Variants in DENND1A observed in about 807,000 individuals in gnomAD.
DENND1A encodes the protein DENN domain-containing protein 1A.
Under a neutral mutation model 113.7 loss-of-function variants are expected in DENND1A, and 51 were observed. That is an observed-to-expected ratio of 0.45 (90% confidence interval 0.36 to 0.57). The LOEUF is 0.57. Among genes scored for constraint, DENND1A ranks in the 20% least tolerant of loss-of-function variants. The pLI, the probability that DENND1A is intolerant of heterozygous loss-of-function variation, is 0.00. For missense variants in DENND1A, 1,258 were observed against 1,395.9 expected (o/e 0.90, Z 1.57); for synonymous variants, 565 against 570.8 (o/e 0.99, Z 0.14).
chr9:123,904,260 G>C (rs1345277581), intron 1 of DENND1A, among the ~76,000 whole-genome samples: 1 of 151,860 alleles, frequency 6.6e-6, no homozygotes, highest in Non-Finnish European at 1.5e-5. Flanking sequence ...AAACCACAAA[G>C]ATGGGGAAAA....
chr9:123,503,289 C>T (rs911673073), intron 13 of DENND1A, among the ~76,000 whole-genome samples: 1 of 152,164 alleles, frequency 6.6e-6, no homozygotes, highest in African/African-American at 2.4e-5. Context: ...CAAAGTGGAA[C>T]AACAGCAATA....
intron 1 of DENND1A, among the ~76,000 whole-genome samples, chr9:123,898,431 C>A (rs1851104571): frequency 6.6e-6 from 1 of 152,106 alleles, no homozygotes; most frequent in Non-Finnish European, 1.5e-5. Context: ...CTGGCTCAAG[C>A]AATTCTTCCC....
chr9:123,489,453 G>A (rs1292341843), intron 13 of DENND1A, among the ~76,000 whole-genome samples: 1 of 152,220 alleles, frequency 6.6e-6, no homozygotes, highest in Non-Finnish European at 1.5e-5. Context: ...GAAGGGCACT[G>A]AACTTTTTCC....
At chr9:123,865,589 A>C (rs1845699742) in intron 2 of DENND1A, among the ~76,000 whole-genome samples, 1 of 152,244 alleles carries the variant, frequency 6.6e-6, no homozygotes, top group Non-Finnish European at 1.5e-5. Context: ...TCCAGTTTGA[A>C]GGATCAAAAC....
chr9:123,436,314 T>G (rs1186040595), intron 19 of DENND1A, among the ~76,000 whole-genome samples: 1 of 152,136 alleles, frequency 6.6e-6, no homozygotes, highest in Non-Finnish European at 1.5e-5. Flanking sequence ...TTGCTAGGAG[T>G]CTATGGGCAG....
chr9:123,539,719 T>TA (rs2056129075), intron 13 of DENND1A, among the ~76,000 whole-genome samples: 1 of 151,860 alleles, frequency 6.6e-6, no homozygotes, highest in African/African-American at 2.4e-5. Flanking sequence ...CCATCTCCAC[T>TA]AAAAATACAA....
intron 10 of DENND1A, among the ~76,000 whole-genome samples, chr9:123,620,662 A>G (rs1013466834): frequency 1.3e-5 from 2 of 152,154 alleles, no homozygotes; most frequent in Non-Finnish European, 2.9e-5. Flanking sequence ...ATGATTTCTG[A>G]TCATTAAATC....
intron 3 of DENND1A, among the ~76,000 whole-genome samples, chr9:123,791,927 T>A (rs909122629): frequency 6.6e-6 from 1 of 152,206 alleles, no homozygotes; most frequent in Non-Finnish European, 1.5e-5. Flanking sequence ...AGATAGAAAC[T>A]AGAATCCTGA....
At chr9:123,621,525 T>C (rs2060965001) in intron 10 of DENND1A, among the ~76,000 whole-genome samples, 1 of 152,186 alleles carries the variant, frequency 6.6e-6, no homozygotes, top group Non-Finnish European at 1.5e-5. Flanking sequence ...TTAATATATA[T>C]TGACTATATA....
intron 1 of DENND1A, among the ~76,000 whole-genome samples, chr9:123,909,547 A>C (rs771176816): frequency 6.6e-6 from 1 of 152,084 alleles, no homozygotes; most frequent in African/African-American, 2.4e-5. Context: ...TCTCAAACTG[A>C]TCAAGGGCAT....
At chr9:123,848,656 C>T (rs1197407119) in intron 2 of DENND1A, among the ~76,000 whole-genome samples, 1 of 152,138 alleles carries the variant, frequency 6.6e-6, no homozygotes, top group Non-Finnish European at 1.5e-5. Flanking sequence ...CATAATTAAG[C>T]TTAGCAGTGA....
intron 5 of DENND1A, among the ~76,000 whole-genome samples, chr9:123,677,115 C>A (rs571010973): frequency 1.6e-4 from 24 of 152,278 alleles, no homozygotes; most frequent in Non-Finnish European, 3.2e-4. Context: ...AGCACACCCA[C>A]CCTTTCCAGG....
chr9:123,455,259 A>C (rs2048030009), intron 15 of DENND1A, among the ~76,000 whole-genome samples: 1 of 152,118 alleles, frequency 6.6e-6, no homozygotes, highest in Admixed American at 6.5e-5. Context: ...CTGACTGCAA[A>C]CTCAGCAGCC....
intron 9 of DENND1A, among the ~76,000 whole-genome samples, chr9:123,638,476 GT>G (rs1223130345): frequency 6.6e-6 from 1 of 152,066 alleles, no homozygotes; most frequent in East Asian, 1.9e-4. Context: ...ATGCACTTTT[GT>G]TGTTGTTGTT....
intron 5 of DENND1A, among the ~76,000 whole-genome samples, chr9:123,720,673 G>GAGA (rs2067274774): frequency 6.6e-6 from 1 of 152,132 alleles, no homozygotes; most frequent in African/African-American, 2.4e-5. Flanking sequence ...CTTTATCATT[G>GAGA]CCAACACTGT....
chr9:123,502,712 C>T (rs1051880597), intron 13 of DENND1A, among the ~76,000 whole-genome samples: 1 of 152,178 alleles, frequency 6.6e-6, no homozygotes. Context: ...TCTAGTTTTT[C>T]TTTCGTAGCC....
At chr9:123,759,081 G>T (rs1041890233) in intron 4 of DENND1A, 1 of 152,212 alleles carries the variant, frequency 6.6e-6, no homozygotes, top group Admixed American at 6.5e-5. Flanking sequence ...GATTACAGGC[G>T]TGAGCCACCG....
At chr9:123,552,029 G>C (rs1268095687) in intron 13 of DENND1A, among the ~76,000 whole-genome samples, 11 of 139,572 alleles carry the variant, frequency 7.9e-5, no homozygotes, top group African/African-American at 2.4e-4. Flanking sequence ...GAGAGAGAGA[G>C]AGAGAGAGAC....
intron 3 of DENND1A, among the ~76,000 whole-genome samples, chr9:123,782,548 C>G (rs767637351): frequency 6.6e-6 from 1 of 152,142 alleles, no homozygotes; most frequent in African/African-American, 2.4e-5. Context: ...GATCTGGACA[C>G]GAAGCCGGCA....
Sources: gnomAD v4.1 joint callset for allele counts (sites outside exome capture counted in the v4.1 genomes callset) on GRCh38, gnomAD v4.1.1 for gene constraint, MANE v1.5 for transcripts, NCBI Gene and HGNC (gene_info 2026-07-23, HGNC 2026-07-21) for gene names.